Variants in ADAMTSL1 observed in about 807,000 individuals in gnomAD.
ADAMTSL1 encodes the protein ADAMTS like 1, also known as ADAMTS-like protein 1.
Under a neutral mutation model 201.8 loss-of-function variants are expected in ADAMTSL1, and 126 were observed. That is an observed-to-expected ratio of 0.62 (90% CI 0.54 to 0.72). ADAMTSL1 has a LOEUF of 0.72. ADAMTSL1 is among the 30% of genes least tolerant of loss of function. The pLI, the probability that ADAMTSL1 is intolerant of heterozygous loss-of-function variation, is 0.00. For missense variants in ADAMTSL1, 2,679 were observed against 2,277.8 expected, an observed-to-expected ratio of 1.18 and a Z score of -3.59; for synonymous variants, 1,121 against 903.4, an observed-to-expected ratio of 1.24 and a Z score of -4.32.
At chr9:18,776,437 AT>A (rs1235557306) in intron 18 of ADAMTSL1, among the ~76,000 whole-genome samples, 1 of 152,076 alleles carries the variant, frequency 6.6e-6, no homozygotes, top group African/African-American at 2.4e-5. Flanking sequence ...TTCCCCCGGG[AT>A]CCCCCTCCAT....
intron 1 of ADAMTSL1, among the ~76,000 whole-genome samples, chr9:17,952,904 C>T (rs1448499954): frequency 6.6e-6 from 1 of 151,260 alleles, no homozygotes; most frequent in Non-Finnish European, 1.5e-5. Flanking sequence ...CAGTTTCTCT[C>T]TCTTCCTCCT....
At chr9:18,115,318 G>C (rs1056597548) in intron 1 of ADAMTSL1, among the ~76,000 whole-genome samples, 6 of 152,102 alleles carry the variant, frequency 3.9e-5, no homozygotes, top group African/African-American at 7.2e-5. Flanking sequence ...ACTCTACCAG[G>C]CATGCTGCAG....
intron 2 of ADAMTSL1, among the ~76,000 whole-genome samples, chr9:18,395,555 G>A: frequency 6.6e-6 from 1 of 152,222 alleles, no homozygotes; most frequent in East Asian, 1.9e-4. Flanking sequence ...TTCTGATAGG[G>A]TATTTATCTG....
intron 2 of ADAMTSL1, among the ~76,000 whole-genome samples, chr9:18,391,228 C>T (rs1587053966): frequency 6.6e-6 from 1 of 152,142 alleles, no homozygotes; most frequent in Non-Finnish European, 1.5e-5. Flanking sequence ...CCTATAAAAA[C>T]TGTGATATTT....
At chr9:18,533,001 A>T (rs1025088617) in intron 2 of ADAMTSL1, among the ~76,000 whole-genome samples, 5 of 152,154 alleles carry the variant, frequency 3.3e-5, no homozygotes, top group Middle Eastern at 6.8e-3. Context: ...TGCACTAAAT[A>T]CTTATTTTGA....
chr9:18,062,319 G>A lies in ADAMTSL1; in HGVS notation c.88-101543G>A, dbSNP rs1364797720. ...TAAAGGTAAATCTAAGTTTGATATT[G>A]AGTTAAAAGTATTGAGTTACTAAAC... On this transcript the variant is annotated intron_variant, in intron 1 of 29. Transcript: ENST00000680146. 3.3e-5 allele frequency among the ~76,000 whole-genome samples: 5 copies of A among 152,216 alleles called. No individual in the cohort carries two copies. In the South Asian group the frequency reaches 1.0e-3, roughly 32 times the overall value.
At chr9:18,008,429 T>C (rs1819918702) in intron 1 of ADAMTSL1, among the ~76,000 whole-genome samples, 1 of 151,998 alleles carries the variant, frequency 6.6e-6, no homozygotes, top group African/African-American at 2.4e-5. Flanking sequence ...AGGCCCTGCG[T>C]GATTCAGCTC....
intron 2 of ADAMTSL1, among the ~76,000 whole-genome samples, chr9:18,186,598 A>T (rs184563690): frequency 1.3e-5 from 2 of 152,164 alleles, no homozygotes; most frequent in Admixed American, 1.3e-4. Context: ...TAAAAAAATT[A>T]TTGCAATATA....
intron 2 of ADAMTSL1, among the ~76,000 whole-genome samples, chr9:18,400,160 A>T (rs1817930518): frequency 9.2e-6 from 1 of 108,940 alleles, no homozygotes; most frequent in South Asian, 3.5e-4. Flanking sequence ...TCTTTTTTTT[A>T]CCCTAGAACT....
rs146778688 is a variant in ADAMTSL1 at position 17,918,364 on chromosome 9, C to T, written c.87+11442C>T. ...TTTTTTTTTCAGTTCATAGTACTTT[C>T]TTATAACCTTTTATTTCTTCTTTGA... On this transcript the variant is annotated intron_variant, in intron 1 of 29. Transcript: ENST00000680146. Among the ~76,000 whole-genome samples, 63 of 150,346 alleles carry T rather than the reference C, an allele frequency of 4.2e-4. No homozygotes were observed. In the East Asian group the frequency reaches 0.011, roughly 26 times the overall value.
At chr9:18,284,273 T>TA (rs1305275719) in intron 2 of ADAMTSL1, among the ~76,000 whole-genome samples, 6 of 152,090 alleles carry the variant, frequency 3.9e-5, no homozygotes, top group Non-Finnish European at 8.8e-5. Context: ...ATTTTTTAGA[T>TA]AAAAAATAGA....
Position 18,777,343 on chromosome 9 carries a change from G to A in ADAMTSL1, c.3114G>A (p.Leu1038=), listed in dbSNP as rs1203673271. Residue 1038 remains leucine (L), a synonymous_variant, in exon 19 of 29, where the codon CTG becomes CTA. Coordinates refer to ENST00000380548, the MANE Select transcript of ADAMTSL1 (RefSeq NM_001040272.6). ...AGCAGGGCGGCTGGCCCGGAGAGCT[G>A]CTGGCCTCGTGGGAGGCGCAGGACT... is the stretch of plus-strand genomic sequence containing the variant. ...LLEQGGWPGE[L]LASWEAQDSA... is the part of the protein sequence containing the mutation. The A allele has an allele frequency of 1.2e-6, 2 of 1,601,740 alleles. No homozygotes were observed. Among genetic ancestry groups the A allele is most frequent in the South Asian group, 2.2e-5 (2 of 89,508 alleles).
chr9:18,484,485 T>C (rs1289944158), intron 1 of ADAMTSL1, among the ~76,000 whole-genome samples: 1 of 152,236 alleles, frequency 6.6e-6, no homozygotes, highest in African/African-American at 2.4e-5. Context: ...AATCCTCTTT[T>C]TTAGGAATAC....
intron 2 of ADAMTSL1, among the ~76,000 whole-genome samples, chr9:18,224,816 T>C (rs1224438699): frequency 1.3e-5 from 2 of 152,154 alleles, no homozygotes; most frequent in Admixed American, 1.3e-4. Context: ...GATTATACTA[T>C]ACTGACAGTC....
chr9:18,180,948 A>G (rs927128195), intron 2 of ADAMTSL1, among the ~76,000 whole-genome samples: 5 of 152,194 alleles, frequency 3.3e-5, no homozygotes, highest in African/African-American at 1.2e-4. Flanking sequence ...ATATTGATCA[A>G]TGGAACAGAA....
chr9:18,499,378 A>G (rs1822711578), intron 1 of ADAMTSL1, among the ~76,000 whole-genome samples: 1 of 152,234 alleles, frequency 6.6e-6, no homozygotes, highest in African/African-American at 2.4e-5. Flanking sequence ...CCCCTACCAC[A>G]TACAGTTGGC....
At chr9:18,530,891 C>G (rs1021277855) in intron 2 of ADAMTSL1, among the ~76,000 whole-genome samples, 2 of 152,088 alleles carry the variant, frequency 1.3e-5, no homozygotes, top group African/African-American at 4.8e-5. Context: ...CACTGTGGTA[C>G]GTATGCAGCA....
At chr9:18,414,050 G>A (rs76204633) in intron 2 of ADAMTSL1, among the ~76,000 whole-genome samples, 4,501 of 152,286 alleles carry the variant, frequency 0.03, 205 homozygotes, top group African/African-American at 0.096. Context: ...GCAGTGAGAT[G>A]TTGGGTACAG....
chr9:18,374,229 A>G (rs1490866306), intron 2 of ADAMTSL1, among the ~76,000 whole-genome samples: 3 of 152,188 alleles, frequency 2.0e-5, no homozygotes, highest in Admixed American at 6.5e-5. Flanking sequence ...CCTTCCTTGG[A>G]GCCGTAAAGA....
Sources: allele counts gnomAD v4.1 joint callset (sites outside exome capture counted in the v4.1 genomes callset), GRCh38; gene constraint gnomAD v4.1.1; transcripts MANE v1.5; gene names NCBI Gene and HGNC (gene_info 2026-07-23, HGNC 2026-07-21).